Variants in CCDC171 observed in about 807,000 individuals in gnomAD.
CCDC171 encodes coiled-coil domain-containing protein 171.
Under a neutral mutation model 168.2 loss-of-function variants are expected in CCDC171, and 177 were observed. That is an observed-to-expected ratio of 1.05 (90% confidence interval 0.93 to 1.19). The LOEUF (loss-of-function observed/expected upper bound fraction) is 1.19. Ranked by LOEUF, CCDC171 falls within the 50% of genes most tolerant of loss-of-function variation. The pLI, the probability that CCDC171 is intolerant of heterozygous loss-of-function variation, is 0.00. For missense variants in CCDC171, 1,991 were observed against 1,539.0 expected (o/e 1.29, Z -4.91); for synonymous variants, 687 against 540.8 (o/e 1.27, Z -3.75).
At chr9:15,711,666 C>G (rs1335567076) in intron 11 of CCDC171, among the ~76,000 whole-genome samples, 3 of 152,144 alleles carry the variant, frequency 2.0e-5, no homozygotes, top group Middle Eastern at 3.2e-3. Flanking sequence ...AAGAATTAGA[C>G]CTTATGCAAT....
chr9:15,959,135 G>A (rs1830105549), intron 25 of CCDC171, among the ~76,000 whole-genome samples: 1 of 152,130 alleles, frequency 6.6e-6, no homozygotes, highest in Non-Finnish European at 1.5e-5. Flanking sequence ...AACATGCCTG[G>A]CCAATAGCTA....
intron 7 of CCDC171, among the ~76,000 whole-genome samples, chr9:15,648,988 C>G (rs146871341): frequency 6.6e-6 from 1 of 152,330 alleles, no homozygotes; most frequent in Non-Finnish European, 1.5e-5. Context: ...TGCTACCTGA[C>G]TTCAAACTAT....
In CCDC171 at chr9:15,818,561, G is replaced by C. The variant is rs773216610; in HGVS notation, c.3268-28141G>C. Among the ~76,000 whole-genome samples the C allele has an allele frequency of 9.3e-5, 11 of 118,680 alleles. 5 individuals carry two copies. The highest frequency in any genetic ancestry group is 3.2e-4 in the Admixed American group (4 of 12,534). 77.9% of individuals were successfully genotyped at this position (118,680 alleles called of 152,430 possible). A position where few individuals can be genotyped will look rare whatever the true frequency, so the allele number is the denominator to read the frequency against. The stretch of plus-strand genomic sequence containing the variant: ...CTACGTGATAAATGCACAAGCCTCA[G>C]TAGCTGATTCGATCAACTAGAAGAA... On this transcript the variant is annotated intron_variant, in intron 21 of 25. Coordinates refer to ENST00000380701, the MANE Select transcript of CCDC171 (RefSeq NM_173550.4).
rs188717065 is a variant in CCDC171 at position 15,653,745 on chromosome 9, A to T, written c.823-3382A>T. Among the ~76,000 whole-genome samples the T allele has an allele frequency of 2.6e-5, 4 of 152,196 alleles. No individual in the cohort carries two copies. The East Asian group carries it at 7.7e-4, about 29-fold the overall frequency. ...CACTTTAGTATGTATTTTTTAAAAG[A>T]TAAGGGTTTATTTTATTTATTAATT... On this transcript the variant is annotated intron_variant, in intron 7 of 25. Coordinates refer to ENST00000380701, the MANE Select transcript of CCDC171 (RefSeq NM_173550.4).
chr9:15,847,541 G>C (rs1404745108), intron 22 of CCDC171, among the ~76,000 whole-genome samples: 1 of 151,938 alleles, frequency 6.6e-6, no homozygotes, highest in Admixed American at 6.6e-5. Context: ...CAAATTTCAT[G>C]GAATACTTTA....
chr9:15,772,017 A>C (rs570024079), intron 18 of CCDC171, among the ~76,000 whole-genome samples: 1 of 152,202 alleles, frequency 6.6e-6, no homozygotes, highest in African/African-American at 2.4e-5. Flanking sequence ...TATTTTTAGT[A>C]GTGACGGGGT....
chr9:16,108,303 C>T, the CCDC171 span, among the ~76,000 whole-genome samples: 1 of 152,204 alleles, frequency 6.6e-6, no homozygotes, highest in Non-Finnish European at 1.5e-5. Flanking sequence ...TCCAGTAACT[C>T]AAACACTTTG....
chr9:15,627,387 G>C (rs7389023), intron 7 of CCDC171, among the ~76,000 whole-genome samples: 73,944 of 151,732 alleles, frequency 0.49, 18,421 homozygotes, highest in East Asian at 0.76. Flanking sequence ...TCTTGCTTCT[G>C]TAGTTCTTTT....
chr9:15,573,537 C>G (rs780887333), intron 3 of CCDC171, among the ~76,000 whole-genome samples: 1 of 152,152 alleles, frequency 6.6e-6, no homozygotes, highest in Non-Finnish European at 1.5e-5. Flanking sequence ...CCACCTTGGC[C>G]TCCCAAAGTG....
chr9:16,069,999 A>ATCTG, the CCDC171 span, among the ~76,000 whole-genome samples: 4 of 151,984 alleles, frequency 2.6e-5, no homozygotes, highest in African/African-American at 7.3e-5. Context: ...CTCCCTGTCC[A>ATCTG]TCTGTCTGTC....
At chr9:15,647,768 C>T (rs2047167638) in intron 7 of CCDC171, among the ~76,000 whole-genome samples, 1 of 152,070 alleles carries the variant, frequency 6.6e-6, no homozygotes, top group African/African-American at 2.4e-5. Flanking sequence ...GCCTAACCAA[C>T]CAAAAAAAGT....
chr9:15,629,547 C>T (rs1349029179), intron 7 of CCDC171, among the ~76,000 whole-genome samples: 1 of 152,200 alleles, frequency 6.6e-6, no homozygotes, highest in Non-Finnish European at 1.5e-5. Flanking sequence ...AAATCTACGT[C>T]TGATGGGTGT....
chr9:15,599,036 G>A (rs1047487103), intron 6 of CCDC171, among the ~76,000 whole-genome samples: 3 of 152,118 alleles, frequency 2.0e-5, no homozygotes, highest in Non-Finnish European at 4.4e-5. Context: ...TTGAGCCTAT[G>A]TGTGTCTCTG....
chr9:16,064,531 G>C (rs1194194217), downstream of CCDC171, among the ~76,000 whole-genome samples: 2 of 152,128 alleles, frequency 1.3e-5, no homozygotes, highest in Non-Finnish European at 2.9e-5. Context: ...CATCTGCCAG[G>C]GACACTTTTG....
intron 7 of CCDC171, among the ~76,000 whole-genome samples, chr9:15,634,102 C>T (rs933676722): frequency 3.9e-5 from 6 of 152,006 alleles, no homozygotes; most frequent in African/African-American, 1.5e-4. Flanking sequence ...GTGCAGCGCA[C>T]CAGCATGGCA....
At chr9:15,742,949 A>T (rs1014617795) in intron 16 of CCDC171, among the ~76,000 whole-genome samples, 6 of 148,858 alleles carry the variant, frequency 4.0e-5, no homozygotes, top group Admixed American at 6.7e-5. Flanking sequence ...ATATTTTTAA[A>T]TTTTTTTTTT....
intron 24 of CCDC171, among the ~76,000 whole-genome samples, chr9:15,887,395 C>T (rs865836902): frequency 6.6e-6 from 1 of 151,980 alleles, no homozygotes; most frequent in African/African-American, 2.4e-5. Flanking sequence ...CCCCCTTTTC[C>T]CACCAAAAGT....
Position 15,821,865 on chromosome 9 carries a change from C to T in CCDC171, c.3268-24837C>T, listed in dbSNP as rs75816631. Among the ~76,000 whole-genome samples, 23 of 53,768 alleles carry T rather than the reference C, an allele frequency of 4.3e-4. 2 individuals carry two copies. Among genetic ancestry groups the T allele is most frequent in the Admixed American group, 1.3e-3 (9 of 6,672 alleles). The allele number at this position is 53,768 out of a possible 152,430, so 35.3% of individuals were successfully genotyped here. A position where few individuals can be genotyped will look rare whatever the true frequency, so the allele number is the denominator to read the frequency against. ...GTTCATATGGAACCAAAAAAGAGCC[C>T]GCATCGCCAAGTCAATCCTAAGCCA... On this transcript the variant is annotated intron_variant, in intron 21 of 25. Transcript: ENST00000380701.
intron 25 of CCDC171, 66 bp from the exon 26 acceptor site, chr9:15,971,543 G>C: frequency 9.8e-7 from 1 of 1,015,700 alleles, no homozygotes; most frequent in Non-Finnish European, 1.5e-6. Flanking sequence ...GCCTGTTTAT[G>C]GTTTTAGGCT....
Sources: allele counts gnomAD v4.1 joint callset (sites outside exome capture counted in the v4.1 genomes callset), GRCh38; gene constraint gnomAD v4.1.1; transcripts MANE v1.5; gene names NCBI Gene and HGNC (gene_info 2026-07-23, HGNC 2026-07-21).